RORA: variants seen among roughly 807,000 people sequenced by gnomAD.
The protein encoded by RORA is RAR related orphan receptor A.
A neutral mutation model predicts 69.5 loss-of-function variants in RORA; 7 were observed. The observed-to-expected ratio is 0.10, with a 90% CI of 0.06 to 0.19. RORA has a LOEUF of 0.19. Among genes scored for constraint, RORA ranks in the 10% least tolerant of loss-of-function variants. The pLI is 1.00. For synonymous variants in RORA, 261 were observed against 240.8 expected (o/e 1.08, Z -0.78); for missense variants, 457 against 663.0 (o/e 0.69, Z 3.41).
intron 1 of RORA, among the ~76,000 whole-genome samples, chr15:61,091,942 A>G (rs1017303151): frequency 2.6e-5 from 4 of 152,250 alleles, no homozygotes; most frequent in Non-Finnish European, 5.9e-5. Flanking sequence ...AAACACTTTG[A>G]AACACTTGAT....
At chr15:60,843,119 C>T (rs2073221374) in intron 1 of RORA, among the ~76,000 whole-genome samples, 1 of 152,196 alleles carries the variant, frequency 6.6e-6, no homozygotes, top group African/African-American at 2.4e-5. Context: ...CTCTCCCTCC[C>T]CCTGCTGTTC....
chr15:60,915,275 T>C (rs114834466), intron 1 of RORA, among the ~76,000 whole-genome samples: 2,033 of 133,438 alleles, frequency 0.015, 43 homozygotes, highest in African/African-American at 0.05. Context: ...ATCATGAGCA[T>C]TGGGACTTCT....
In RORA at chr15:60,497,298, T is replaced by C. The variant is rs1391689261; in HGVS notation, c.*157A>G. ...CAAGTTCAACTTTTATTTGTTTTCATTGTTTCCCCTCCTTTGCCTGACCCC... is the reference window on the plus strand; with the variant it reads ...CAAGTTCAACTTTTATTTGTTTTCACTGTTTCCCCTCCTTTGCCTGACCCC... On this transcript the variant is annotated 3_prime_UTR_variant, in exon 11 of 11. Coordinates refer to ENST00000335670, the MANE Select transcript of RORA (RefSeq NM_134261.3). 5 of 581,156 alleles carry C rather than the reference T, an allele frequency of 8.6e-6. No homozygotes were observed. The highest frequency in any genetic ancestry group is 7.5e-5 in the African/African-American group (4 of 53,286). The allele number at this position is 581,156 out of a possible 1,614,324, so 36.0% of individuals were successfully genotyped here.
intron 1 of RORA, among the ~76,000 whole-genome samples, chr15:61,076,267 C>A (rs1010128235): frequency 6.6e-6 from 1 of 152,156 alleles, no homozygotes; most frequent in Non-Finnish European, 1.5e-5. Context: ...GTGATGCTGA[C>A]GCTGCTGGTT....
chr15:60,871,508 T>C (rs1160423309), intron 1 of RORA, among the ~76,000 whole-genome samples: 1 of 152,224 alleles, frequency 6.6e-6, no homozygotes, highest in Non-Finnish European at 1.5e-5. Context: ...ATGCCATTCA[T>C]CAAATAAATA....
At chr15:60,944,030 C>A (rs117826601) in intron 1 of RORA, among the ~76,000 whole-genome samples, 1 of 151,284 alleles carries the variant, frequency 6.6e-6, no homozygotes, top group Non-Finnish European at 1.5e-5. Flanking sequence ...AAAATGGAGG[C>A]CTTTTGCCAT....
intron 1 of RORA, 100 bp from the exon 2 acceptor site, chr15:60,678,786 G>T: frequency 2.0e-6 from 2 of 999,990 alleles, no homozygotes; most frequent in Non-Finnish European, 3.2e-6. Flanking sequence ...GTTTAGTTCA[G>T]ATGGGGAAGT....
intron 2 of RORA, among the ~76,000 whole-genome samples, chr15:60,552,766 C>G (rs1483677120): frequency 1.3e-5 from 2 of 152,140 alleles, no homozygotes; most frequent in African/African-American, 4.8e-5. Flanking sequence ...TTTACTAGAG[C>G]CTGCCACCCA....
intron 1 of RORA, among the ~76,000 whole-genome samples, chr15:61,045,293 A>C (rs914540746): frequency 2.0e-5 from 3 of 152,094 alleles, no homozygotes; most frequent in Non-Finnish European, 4.4e-5. Flanking sequence ...GTAAGATGTG[A>C]CTTTGCTCCT....
chr15:60,821,311 C>T (rs2072890493), intron 1 of RORA, among the ~76,000 whole-genome samples: 1 of 152,160 alleles, frequency 6.6e-6, no homozygotes. Flanking sequence ...GACTCTTGTC[C>T]CCTTGGCTGT....
intron 1 of RORA, among the ~76,000 whole-genome samples, chr15:60,892,685 C>T (rs908407313): frequency 6.6e-6 from 1 of 152,172 alleles, no homozygotes; most frequent in African/African-American, 2.4e-5. Flanking sequence ...TCCTTCACTC[C>T]TTTCACTCTA....
rs144412720 is a variant in RORA, at chr15:60,824,281, C to G, written c.167-145595G>C. ...AAGTTAATGTAGTCAACATTTTCCC[C>G]TAGTCCTTGTGTGGAGAAGAGGTCT... On this transcript the variant is annotated intron_variant, in intron 1 of 10. Transcript: ENST00000335670. Among the ~76,000 whole-genome samples, 1,098 of 152,294 alleles carry G rather than the reference C, an allele frequency of 7.2e-3. 19 individuals are homozygous for G. Among genetic ancestry groups the G allele is most frequent in the African/African-American group, 0.025 (1,049 of 41,550 alleles).
At chr15:61,001,494 G>A (rs1894744052) in intron 1 of RORA, among the ~76,000 whole-genome samples, 1 of 152,242 alleles carries the variant, frequency 6.6e-6, no homozygotes, top group Non-Finnish European at 1.5e-5. Flanking sequence ...CAGTGCCGCT[G>A]GGAGATGGGC....
At chr15:60,765,713 G>A (rs2071977831) in intron 1 of RORA, 1 of 152,112 alleles carries the variant, frequency 6.6e-6, no homozygotes, top group African/African-American at 2.4e-5. Context: ...AAAATGAGAA[G>A]AGAAGCATAA....
chr15:61,007,961 G>A (rs867680816), intron 1 of RORA, among the ~76,000 whole-genome samples: 1 of 151,232 alleles, frequency 6.6e-6, no homozygotes, highest in Non-Finnish European at 1.5e-5. Context: ...TCAAAAAAGA[G>A]CTTGTTCGTG....
At chr15:60,667,665 G>C (rs1361638480) in intron 2 of RORA, among the ~76,000 whole-genome samples, 2 of 152,134 alleles carry the variant, frequency 1.3e-5, no homozygotes, top group Non-Finnish European at 2.9e-5. Context: ...TGTCACCCAG[G>C]CTGGAGTGCA....
chr15:60,831,663 C>T (rs35639176), intron 1 of RORA, among the ~76,000 whole-genome samples: 20,183 of 152,142 alleles, frequency 0.13, 1,646 homozygotes, highest in East Asian at 0.32. Flanking sequence ...ACACCACACT[C>T]TCCAGATGAA....
chr15:60,782,183 C>T (rs2072272929), intron 1 of RORA, among the ~76,000 whole-genome samples: 2 of 152,082 alleles, frequency 1.3e-5, no homozygotes, highest in Non-Finnish European at 2.9e-5. Context: ...TGAGATCGCG[C>T]CACTGCACTC....
intron 2 of RORA, among the ~76,000 whole-genome samples, chr15:60,662,926 T>C (rs1352907056): frequency 6.6e-6 from 1 of 152,184 alleles, no homozygotes; most frequent in East Asian, 1.9e-4. Flanking sequence ...AATTGCTTCC[T>C]GAGATTTGTC....
Sources: allele counts gnomAD v4.1 joint callset (sites outside exome capture counted in the v4.1 genomes callset), GRCh38; gene constraint gnomAD v4.1.1; transcripts MANE v1.5; gene names NCBI Gene and HGNC (gene_info 2026-07-23, HGNC 2026-07-21).